The following FAM200B variants were observed in gnomAD, a reference collection of about 807,000 sequenced individuals.
FAM200B encodes the protein protein FAM200B.
In FAM200B, 32 loss-of-function variants were observed where a neutral mutation model predicts 33.1. The ratio of observed to expected loss-of-function variants is 0.97; its 90% CI spans 0.73 to 1.30. The LOEUF (loss-of-function observed/expected upper bound fraction) is 1.30, where lower values mean the gene tolerates loss of function less well. Ranked by LOEUF, FAM200B falls within the 50% of genes most tolerant of loss-of-function variation. The probability of loss-of-function intolerance (pLI) is 0.00; values close to 1 mark genes in which losing one functional copy is unlikely to be tolerated. For missense variants in FAM200B, 741 were observed against 754.0 expected (o/e 0.98, Z 0.20); for synonymous variants, 240 against 264.8 (o/e 0.91, Z 0.91).
chr4:15,681,524 A>G (rs1718272353), upstream of FAM200B: 1 of 158,116 alleles, frequency 6.3e-6, no homozygotes, highest in African/African-American at 2.4e-5. Context: ...CCCGCCCACC[A>G]GCTCAGAGGC....
chr4:15,644,318 A>C, the FAM200B span, among the ~76,000 whole-genome samples: 1 of 152,174 alleles, frequency 6.6e-6, no homozygotes, highest in East Asian at 1.9e-4. Flanking sequence ...CACTACTGCA[A>C]ACTCCCCACT....
chr4:15,638,545 C>T, the FAM200B span: 221,416 of 1,595,100 alleles, frequency 0.14, 16,411 homozygotes, highest in Non-Finnish European at 0.15. Context: ...ATTTAAAAAA[C>T]TTCTGTCGCT....
chr4:15,642,243 C>CTT, the FAM200B span, among the ~76,000 whole-genome samples: 1 of 141,840 alleles, frequency 7.1e-6, no homozygotes, highest in Non-Finnish European at 1.5e-5. Context: ...ATAATGAAAA[C>CTT]TTTTTTTTTT....
At position 15,687,285 on chromosome 4, in the gene FAM200B, TA is replaced by T. The variant is rs2148863513; in HGVS notation, c.313del (p.Arg105GlyfsTer3). On this transcript the variant is annotated frameshift_variant, in exon 2 of 2. Coordinates refer to ENST00000422728, the MANE Select transcript of FAM200B (RefSeq NM_001145191.2). LOFTEE classifies it high-confidence loss of function. ...AATGAAAGCTTAAAACCTTCGAAAT[TA>T]AAAAGGCACTTAGAAACTCAGCATG... The part of the protein sequence containing the change: ...LANESLKPSK[L>X]KRHLETQHAE... 3 of 1,547,526 alleles carry T rather than the reference TA, an allele frequency of 1.9e-6. No individual in the cohort carries two copies. In the South Asian group the frequency reaches 3.6e-5, roughly 19 times the overall value.
chr4:15,664,550 CTTTTTTTTTTTTT>C, the FAM200B span, among the ~76,000 whole-genome samples: 2 of 75,522 alleles, frequency 2.6e-5, no homozygotes, highest in Non-Finnish European at 4.7e-5. Context: ...GGCCCTCATC[CTTTTTTTTTTTTT>C]TTTTTTTTTT....
At chr4:15,663,030 T>G in the FAM200B span, among the ~76,000 whole-genome samples, 1 of 152,310 alleles carries the variant, frequency 6.6e-6, no homozygotes, top group South Asian at 2.1e-4. Context: ...CAAATGTAAC[T>G]TTCTAATTTG....
chr4:15,686,229 T>C lies in FAM200B; in HGVS notation c.-742-7T>C, dbSNP rs1319137840. 1.3e-5 allele frequency: 2 copies of C among 152,188 alleles called. No individual in the cohort carries two copies. The highest frequency in any genetic ancestry group is 2.9e-5 in the Non-Finnish European group (2 of 68,034). The allele number at this position is 152,188 out of a possible 1,614,324, so 9.4% of individuals were successfully genotyped here. ...CTTTAATGTCTTATCTCTGGTCTTA[T>C]TCCCAGGTCAAGGATGCATTCCAGG... On this transcript the variant is annotated splice_polypyrimidine_tract_variant and splice_region_variant and intron_variant, in intron 1 of 1. Coordinates refer to ENST00000422728, the MANE Select transcript of FAM200B (RefSeq NM_001145191.2).
chr4:15,685,678 T>C (rs190627386), intron 1 of FAM200B, among the ~76,000 whole-genome samples: 225 of 151,960 alleles, frequency 1.5e-3, no homozygotes, highest in Non-Finnish European at 2.8e-3. Flanking sequence ...GAAAGTACAA[T>C]TAATACAAAC....
At position 15,688,482 on chromosome 4, in the gene FAM200B, A is replaced by G. The variant is rs1015401402; in HGVS notation, c.1505A>G (p.Lys502Arg). Reference sequence around the variant, plus strand: ...AATATTATTAATGAAAACATTTTGAAAGAAATAAAATTAGAGATATTGTTG... The same window carrying G: ...AATATTATTAATGAAAACATTTTGAGAGAAATAAAATTAGAGATATTGTTG... ...EENIINENIL[K>R]EIKLEILLHL... is the part of the protein sequence containing the mutation. The change falls in exon 2 of 2, where the codon AAA (lysine) becomes AGA (arginine). Residue 502 changes from lysine (K) to arginine (R), a missense_variant. Lys to Arg is a conservative substitution (Grantham distance 26). Coordinates refer to ENST00000422728, the MANE Select transcript of FAM200B (RefSeq NM_001145191.2). The G allele has an allele frequency of 7.7e-5, 118 of 1,539,444 alleles. No homozygotes were observed. Among genetic ancestry groups the G allele is most frequent in the Admixed American group, 1.6e-4 (8 of 50,550 alleles).
the FAM200B span, among the ~76,000 whole-genome samples, chr4:15,643,992 T>C: frequency 6.6e-6 from 1 of 152,210 alleles, no homozygotes; most frequent in Admixed American, 6.5e-5. Flanking sequence ...CTGGGCCCTC[T>C]TCTCAACTTA....
chr4:15,674,218 T>G, the FAM200B span, among the ~76,000 whole-genome samples: 2 of 152,084 alleles, frequency 1.3e-5, no homozygotes, highest in African/African-American at 4.8e-5. Context: ...TTTTTTTTTT[T>G]TTAATTCTCT....
the FAM200B span, among the ~76,000 whole-genome samples, chr4:15,670,914 CTTTTTTTTTTTTTTT>C: frequency 1.8e-5 from 1 of 54,144 alleles, no homozygotes; most frequent in Non-Finnish European, 3.1e-5. Flanking sequence ...TGTGCGTAGA[CTTTTTTTTTTTTTTT>C]TTTTTTTTTT....
At chr4:15,656,346 G>C in the FAM200B span, 1 of 452,362 alleles carries the variant, frequency 2.2e-6, no homozygotes, top group African/African-American at 2.0e-5. Flanking sequence ...AGTACTGCTG[G>C]ACAGATAGAG....
chr4:15,687,561 C>T lies in FAM200B; in HGVS notation c.584C>T (p.Pro195Leu), dbSNP rs866713180. The T allele has an allele frequency of 1.9e-6, 3 of 1,549,588 alleles. No homozygotes were observed. Among genetic ancestry groups the T allele is most frequent in the African/African-American group, 1.4e-5 (1 of 72,988 alleles). Residue 195 changes from proline (P) to leucine (L), a missense_variant, in exon 2 of 2, where the codon CCT becomes CTT. Physicochemically the swap from Pro to Leu is moderately conservative, Grantham distance 98 (BLOSUM62 -3). Coordinates refer to ENST00000422728, the MANE Select transcript of FAM200B (RefSeq NM_001145191.2). ...TCAGCTGATAAATTAAAAACTATACCTAATGATAACACAGTATCTCTTCGA... is the reference window on the plus strand; with the variant it reads ...TCAGCTGATAAATTAAAAACTATACTTAATGATAACACAGTATCTCTTCGA... ...DKSADKLKTI[P>L]NDNTVSLRIC...
the FAM200B span, among the ~76,000 whole-genome samples, chr4:15,666,429 G>T: frequency 6.6e-6 from 1 of 151,876 alleles, no homozygotes; most frequent in Non-Finnish European, 1.5e-5. Flanking sequence ...CATACCACAT[G>T]ATCTCACATT....
chr4:15,680,114 C>T (rs1253502390), upstream of FAM200B, among the ~76,000 whole-genome samples: 1 of 145,496 alleles, frequency 6.9e-6, no homozygotes, highest in African/African-American at 2.6e-5. Flanking sequence ...TACAGTAAAA[C>T]AGGAAAAAAA....
the FAM200B span, among the ~76,000 whole-genome samples, chr4:15,652,424 CT>C: frequency 6.6e-6 from 1 of 152,104 alleles, no homozygotes; most frequent in African/African-American, 2.4e-5. Flanking sequence ...ACAGAAATAC[CT>C]TGTCTTTACA....
the FAM200B span, among the ~76,000 whole-genome samples, chr4:15,665,828 G>A: frequency 6.6e-6 from 1 of 152,178 alleles, no homozygotes; most frequent in South Asian, 2.1e-4. Flanking sequence ...AGACAGATTT[G>A]GCTGTTGGTA....
chr4:15,655,965 C>T, the FAM200B span, among the ~76,000 whole-genome samples: 1 of 152,190 alleles, frequency 6.6e-6, no homozygotes, highest in Admixed American at 6.5e-5. Flanking sequence ...ACAGCGGGCG[C>T]GGGGCCTGGG....
Sources: allele counts gnomAD v4.1 joint callset (sites outside exome capture counted in the v4.1 genomes callset), GRCh38; gene constraint gnomAD v4.1.1; transcripts MANE v1.5; gene names NCBI Gene and HGNC (gene_info 2026-07-23, HGNC 2026-07-21).